The following C20orf96 variants were observed in gnomAD, a reference collection of about 807,000 sequenced individuals.
The protein encoded by C20orf96 is uncharacterized protein C20orf96.
A neutral mutation model predicts 52.6 loss-of-function variants in C20orf96; 57 were observed. The observed-to-expected ratio is 1.08, with a 90% confidence interval of 0.88 to 1.35. The LOEUF (loss-of-function observed/expected upper bound fraction) is 1.35. Among genes scored for constraint, C20orf96 ranks in the 40% most tolerant of loss-of-function variants. C20orf96 has a pLI of 0.00. For synonymous variants in C20orf96, 168 were observed against 157.2 expected (o/e 1.07, Z -0.51); for missense variants, 478 against 443.6 (o/e 1.08, Z -0.70).
intron 4 of C20orf96, among the ~76,000 whole-genome samples, chr20:280,692 T>C (rs1285837925): frequency 6.6e-6 from 1 of 152,238 alleles, no homozygotes; most frequent in Admixed American, 6.5e-5. Flanking sequence ...CTGAACCACG[T>C]AGTGACTAAG....
In C20orf96 at chr20:279,299, C is replaced by A. The variant is rs140397500; in HGVS notation, c.338G>T (p.Arg113Leu). The A allele has an allele frequency of 6.8e-6, 11 of 1,607,546 alleles. No homozygotes were observed. The highest frequency in any genetic ancestry group is 1.1e-5 in the South Asian group (1 of 90,982). ...TSLRSGRAALRELRSRENFLS... is the reference protein window; with the variant it reads ...TSLRSGRAALLELRSRENFLS... ...GAAGTTCTCACGGCTTCGGAGCTCT[C>A]GCAGAGCGGCCCTCCCGCTCCTGAG... The change falls in exon 5 of 11, where the codon CGA becomes CTA. Residue 113 changes from arginine (R) to leucine (L), a missense_variant. Physicochemically the swap from Arg to Leu is moderately radical, Grantham distance 102. Coordinates refer to ENST00000360321, the MANE Select transcript of C20orf96 (RefSeq NM_153269.3).
At chr20:282,242 C>T (rs1336903394) in intron 4 of C20orf96, among the ~76,000 whole-genome samples, 1 of 152,194 alleles carries the variant, frequency 6.6e-6, no homozygotes, top group African/African-American at 2.4e-5. Flanking sequence ...TCCTCCGTGC[C>T]TCCAGCCCCC....
intron 4 of C20orf96, 90 bp downstream of exon 4, chr20:283,873 G>T: frequency 1.1e-6 from 1 of 884,650 alleles, no homozygotes. Flanking sequence ...GTCAAGTCTG[G>T]CACCCACAAA....
intron 3 of C20orf96, among the ~76,000 whole-genome samples, chr20:285,661 T>C (rs1473003649): frequency 1.3e-5 from 2 of 152,174 alleles, no homozygotes; most frequent in Non-Finnish European, 2.9e-5. Flanking sequence ...GGCTCACTGC[T>C]ACTTCTGCCT....
At chr20:290,198 G>C (rs985434203) in intron 2 of C20orf96, 61 bp downstream of exon 2, 8 of 1,303,928 alleles carry the variant, frequency 6.1e-6, no homozygotes, top group South Asian at 1.2e-5. Context: ...TGAGAGTGGA[G>C]AGCAGGTGGA....
chr20:275,935 G>C (rs777488680), intron 10 of C20orf96, 33 bp downstream of exon 10: 1 of 1,586,038 alleles, frequency 6.3e-7, no homozygotes, highest in African/African-American at 1.3e-5. Flanking sequence ...GAGTGTGACT[G>C]GTTTAAGAGG....
At chr20:286,894 T>G (rs1272742512) in intron 3 of C20orf96, among the ~76,000 whole-genome samples, 2 of 152,230 alleles carry the variant, frequency 1.3e-5, no homozygotes, top group Admixed American at 6.5e-5. Flanking sequence ...CAGAAGGTTA[T>G]ATAAATGGAA....
At chr20:288,174 CTTT>C (rs1237648367) in intron 3 of C20orf96, among the ~76,000 whole-genome samples, 1 of 66,040 alleles carries the variant, frequency 1.5e-5, no homozygotes, top group Non-Finnish European at 2.9e-5. Context: ...TTTTCTTTTT[CTTT>C]TTTTTTTTTT....
chr20:288,149 A>G (rs1171456937), intron 3 of C20orf96, among the ~76,000 whole-genome samples: 1 of 104,132 alleles, frequency 9.6e-6, no homozygotes, highest in East Asian at 3.5e-4. Context: ...ATTCGTTGTT[A>G]AATCATTTCT....
At chr20:290,196 G>A (rs2012500997) in intron 2 of C20orf96, 63 bp downstream of exon 2, 1 of 1,287,578 alleles carries the variant, frequency 7.8e-7, no homozygotes, top group Non-Finnish European at 1.1e-6. Context: ...CGTGAGAGTG[G>A]AGAGCAGGTG....
Position 290,583 on chromosome 20 carries a change from T to TTA in C20orf96, c.20+6_20+7dup, listed in dbSNP as rs777606341. 145 of 1,583,570 alleles carry TTA rather than the reference T, an allele frequency of 9.2e-5. No homozygotes were observed. The Middle Eastern group carries it at 1.9e-3, about 21-fold the overall frequency. On this transcript the variant is annotated splice_region_variant and intron_variant, in intron 1 of 10. Transcript: ENST00000360321. Reference sequence around the variant, plus strand: ...TTCCAATTTTTTTTTTTTTTTTTTTTTACCTACTTTTGTAAGACATGCGCC... The same window carrying TTA: ...TTCCAATTTTTTTTTTTTTTTTTTTTTATACCTACTTTTGTAAGACATGCGCC...
At chr20:278,165 T>C (rs2012090427) in intron 6 of C20orf96, among the ~76,000 whole-genome samples, 165 bp downstream of exon 6, 1 of 152,124 alleles carries the variant, frequency 6.6e-6, no homozygotes, top group African/African-American at 2.4e-5. Flanking sequence ...GAGCTAAGTG[T>C]TGGGTAACTA....
chr20:284,513 G>A (rs939801280), intron 3 of C20orf96, among the ~76,000 whole-genome samples: 14 of 152,226 alleles, frequency 9.2e-5, no homozygotes, highest in African/African-American at 3.4e-4. Context: ...AGGCCTGATG[G>A]GGTAGGGGTT....
intron 10 of C20orf96, among the ~76,000 whole-genome samples, chr20:275,451 C>G (rs538561474): frequency 6.6e-6 from 1 of 152,214 alleles, no homozygotes; most frequent in Non-Finnish European, 1.5e-5. Context: ...GGCTCTGCCA[C>G]ACATGGTCCT....
At chr20:289,749 A>AC in intron 2 of C20orf96, 73 bp from the exon 3 acceptor site, 1 of 1,240,352 alleles carries the variant, frequency 8.1e-7, no homozygotes, top group South Asian at 1.2e-5. Context: ...GATATCTGTG[A>AC]CCCCAAGCAA....
intron 10 of C20orf96, among the ~76,000 whole-genome samples, chr20:272,501 A>G (rs2011872763): frequency 6.6e-6 from 1 of 152,162 alleles, no homozygotes; most frequent in African/African-American, 2.4e-5. Flanking sequence ...GACCACAGGC[A>G]CGTGCCACCA....
chr20:290,241 T>TA lies in C20orf96; in HGVS notation c.69+17dup, dbSNP rs576054649. ...GCCAGCGAGCCTCCCACCCCAGCCCTAGTCCCCCAAGACTCACCGGAACCT... is the reference window on the plus strand; with the variant it reads ...GCCAGCGAGCCTCCCACCCCAGCCCTAAGTCCCCCAAGACTCACCGGAACCT... On this transcript the variant is annotated intron_variant, in intron 2 of 10. Transcript: ENST00000360321. 1.5e-4 allele frequency: 245 copies of TA among 1,602,824 alleles called. No homozygotes were observed. The African/African-American group carries it at 2.9e-3, about 19-fold the overall frequency.
intron 4 of C20orf96, among the ~76,000 whole-genome samples, chr20:282,001 G>GT (rs1391684929): frequency 6.6e-6 from 1 of 152,194 alleles, no homozygotes; most frequent in African/African-American, 2.4e-5. Flanking sequence ...ATTAAATTCA[G>GT]TAACTTATTC....
intron 9 of C20orf96, 111 bp downstream of exon 9, chr20:276,681 CA>C: frequency 6.6e-7 from 1 of 1,510,436 alleles, no homozygotes; most frequent in Non-Finnish European, 8.9e-7. Context: ...ACACCAGAGT[CA>C]GAGACCTCCT....
Sources: gnomAD v4.1 joint callset for allele counts (sites outside exome capture counted in the v4.1 genomes callset) on GRCh38, gnomAD v4.1.1 for gene constraint, MANE v1.5 for transcripts, NCBI Gene and HGNC (gene_info 2026-07-23, HGNC 2026-07-21) for gene names.